PRDM15: variants seen among roughly 807,000 people sequenced by gnomAD.
The protein encoded by PRDM15 is PR/SET domain 15, also known as PR domain zinc finger protein 15.
PRDM15 carries 64 observed loss-of-function variants against 128.6 expected under a neutral mutation model. That is an observed-to-expected ratio of 0.50 (90% CI 0.41 to 0.61). The LOEUF is 0.61. Among genes scored for constraint, PRDM15 ranks in the 20% least tolerant of loss-of-function variants. The pLI, the probability that PRDM15 is intolerant of heterozygous loss-of-function variation, is 0.00. For missense variants in PRDM15, 1,242 were observed against 1,569.1 expected, an observed-to-expected ratio of 0.79 and a Z score of 3.52; for synonymous variants, 615 against 621.8, an observed-to-expected ratio of 0.99 and a Z score of 0.16.
At position 41,867,286 on chromosome 21, in the gene PRDM15, A is replaced by G. The variant is rs763427496; in HGVS notation, c.-9-6914T>C. ...AGGAGTTAAGATGCAACTCCTTTCTACTCTAGCCCTGACCTCCTCCGTTCG... is the reference window on the plus strand; with the variant it reads ...AGGAGTTAAGATGCAACTCCTTTCTGCTCTAGCCCTGACCTCCTCCGTTCG... On this transcript the variant is annotated intron_variant, in intron 1 of 23. Transcript: ENST00000398548. The G allele has an allele frequency of 3.7e-6, 6 of 1,605,926 alleles. No homozygotes were observed. In the East Asian group the frequency reaches 1.3e-4, roughly 36 times the overall value.
chr21:41,868,691 TTTC>T (rs1215411770), intron 1 of PRDM15, among the ~76,000 whole-genome samples: 16 of 98,390 alleles, frequency 1.6e-4, no homozygotes, highest in South Asian at 3.4e-4. Context: ...CCTTTTTCTT[TTTC>T]TTTTTTTTTT....
At position 41,854,279 on chromosome 21, in the gene PRDM15, A is replaced by G. The variant is rs992261752; in HGVS notation, c.538+287T>C. 3.3e-5 allele frequency among the ~76,000 whole-genome samples: 5 copies of G among 152,202 alleles called. No homozygotes were observed. The highest frequency in any genetic ancestry group is 7.2e-5 in the African/African-American group (3 of 41,452). Reference sequence around the variant, plus strand: ...CGAGAGTGCGCTCTACCATGCACTCATGACAATGCCATCGCCCCAGGACAC... The same window carrying G: ...CGAGAGTGCGCTCTACCATGCACTCGTGACAATGCCATCGCCCCAGGACAC... On this transcript the variant is annotated intron_variant, in intron 5 of 23. Transcript: ENST00000398548. The surrounding 1 kb of genome is among the most constrained non-coding windows in gnomAD (Gnocchi z 4.6).
chr21:41,857,440 A>G, intron 3 of PRDM15, 111 bp from the exon 4 acceptor site: 3 of 1,156,558 alleles, frequency 2.6e-6, no homozygotes, highest in Non-Finnish European at 3.7e-6. Context: ...CTTCGGAAAT[A>G]AAATTCTCCA....
intron 1 of PRDM15, among the ~76,000 whole-genome samples, chr21:41,866,317 G>T (rs2064006324): frequency 6.6e-6 from 1 of 152,236 alleles, no homozygotes; most frequent in Non-Finnish European, 1.5e-5. Context: ...CATATAAAAA[G>T]GGATTTTAAA....
intron 5 of PRDM15, among the ~76,000 whole-genome samples, chr21:41,850,979 G>C (rs950570476): frequency 3.3e-5 from 5 of 152,158 alleles, no homozygotes; most frequent in Admixed American, 3.3e-4. Flanking sequence ...ACGCTCACCA[G>C]GAAAGACTCG....
At chr21:41,835,985 C>A in intron 10 of PRDM15, 128 bp downstream of exon 10, 1 of 417,452 alleles carries the variant, frequency 2.4e-6, no homozygotes, top group South Asian at 2.0e-5. Context: ...TCTCCTCCCT[C>A]CCCCACAGCC....
chr21:41,823,041 A>AG (rs1294641542), intron 14 of PRDM15, among the ~76,000 whole-genome samples: 1 of 152,052 alleles, frequency 6.6e-6, no homozygotes, highest in Admixed American at 6.6e-5. Flanking sequence ...AAAAAAAAAA[A>AG]AAAAAAAGAA....
At chr21:41,819,471 CG>C in intron 18 of PRDM15, 110 bp downstream of exon 18, 2 of 694,350 alleles carry the variant, frequency 2.9e-6, no homozygotes, top group Non-Finnish European at 4.3e-6. Context: ...CCCCCGCCCC[CG>C]CCACACCCAC....
Position 41,821,891 on chromosome 21 carries a change from A to C in PRDM15, c.1896+12T>G, listed in dbSNP as rs779868453. ...CAGACCACCCAGGCACCGCGGGGCA[A>C]ACCCGCCATACCTGGCACCGCTTGC... On this transcript the variant is annotated intron_variant, in intron 15 of 23. Transcript: ENST00000398548. The surrounding 1 kb of genome is among the most constrained non-coding windows in gnomAD (Gnocchi z 5.4). 1.4e-4 allele frequency: 221 copies of C among 1,613,414 alleles called. No homozygotes were observed. The highest frequency in any genetic ancestry group is 1.8e-4 in the Non-Finnish European group (215 of 1,179,996).
Position 41,801,625 on chromosome 21 carries a change from G to C in PRDM15, c.3041C>G (p.Thr1014Ser), listed in dbSNP as rs1289263911. Residue 1014 changes from threonine to serine, a missense_variant, in exon 24 of 24, where the codon ACT becomes AGT. Coordinates refer to ENST00000398548, the MANE Select transcript of PRDM15 (RefSeq NM_001040424.3). ...CACCGGCTGGAGATTGGTAAACTGAGTCGCGGCCGCAGTGGTGATGGGGGT... is the reference window on the plus strand; with the variant it reads ...CACCGGCTGGAGATTGGTAAACTGACTCGCGGCCGCAGTGGTGATGGGGGT... Reference protein sequence around the residue: ...TVTPITTAAATQFTNLQPVAV... With the variant: ...TVTPITTAAASQFTNLQPVAV... 6.2e-7 allele frequency: 1 copy of C among 1,614,046 alleles called. No individual in the cohort carries two copies. The highest frequency in any genetic ancestry group is 1.3e-5 in the African/African-American group (1 of 74,894).
At position 41,823,590 on chromosome 21, in the gene PRDM15, AG is replaced by A; in HGVS notation, c.1630-142del. The stretch of plus-strand genomic sequence containing the variant: ...CCAGGCCTTGCATCTCCAGTTCCTC[AG>A]TGTGTGAGAGACACAAATAATCACT... On this transcript the variant is annotated intron_variant, in intron 13 of 23. Transcript: ENST00000398548. The A allele has an allele frequency of 7.4e-6, 6 of 806,700 alleles. No individual in the cohort carries two copies. In the South Asian group the frequency reaches 1.1e-4, roughly 15 times the overall value. 50.0% of individuals were successfully genotyped at this position (806,700 alleles called of 1,614,324 possible). A position where few individuals can be genotyped will look rare whatever the true frequency, so the allele number is the denominator to read the frequency against.
chr21:41,835,968 C>T (rs1331876294), intron 10 of PRDM15, 145 bp downstream of exon 10: 2 of 320,602 alleles, frequency 6.2e-6, no homozygotes, highest in Non-Finnish European at 1.2e-5. Context: ...CCACAGCCCC[C>T]GCCCACTCTC....
intron 1 of PRDM15, among the ~76,000 whole-genome samples, chr21:41,865,932 AT>A (rs1304777363): frequency 2.0e-5 from 3 of 152,004 alleles, no homozygotes; most frequent in African/African-American, 7.3e-5. Flanking sequence ...TTTTGTAGAG[AT>A]TTGGTCTCAC....
chr21:41,841,209 G>A (rs1469882570), intron 6 of PRDM15, among the ~76,000 whole-genome samples: 4 of 152,204 alleles, frequency 2.6e-5, no homozygotes, highest in Non-Finnish European at 4.4e-5. Context: ...AGACATAAAT[G>A]ATGACTCTGT....
In PRDM15 at chr21:41,874,525, A is replaced by ATATTTTTTTTTT; in HGVS notation, c.-10+4744_-10+4745insAAAAAAAAAATA. On this transcript the variant is annotated intron_variant, in intron 1 of 23. Transcript: ENST00000398548. ...TGCATATATATATATATATATATATATTTTTTTTTTTTTTTGAAACTTACA... is the reference window on the plus strand; with the variant it reads ...TGCATATATATATATATATATATATATATTTTTTTTTTTTTTTTTTTTTTTTTGAAACTTACA... Among the ~76,000 whole-genome samples the ATATTTTTTTTTT allele has an allele frequency of 1.3e-3, 128 of 95,792 alleles. 2 individuals carry two copies. Among genetic ancestry groups the ATATTTTTTTTTT allele is most frequent in the African/African-American group, 2.6e-3 (63 of 24,104 alleles). 62.8% of individuals were successfully genotyped at this position (95,792 alleles called of 152,430 possible).
At chr21:41,851,127 G>C (rs2063415825) in intron 5 of PRDM15, among the ~76,000 whole-genome samples, 1 of 151,884 alleles carries the variant, frequency 6.6e-6, no homozygotes, top group Non-Finnish European at 1.5e-5. Context: ...GTACAACAAT[G>C]CACAAAAGGC....
At chr21:41,820,465 CA>C (rs2062216180) in intron 16 of PRDM15, among the ~76,000 whole-genome samples, 1 of 152,188 alleles carries the variant, frequency 6.6e-6, no homozygotes, top group South Asian at 2.1e-4. Context: ...CCAATCTGAC[CA>C]GTGTCCTTAT....
Position 41,829,674 on chromosome 21 carries a change from C to G in PRDM15, c.1367-1341G>C, listed in dbSNP as rs1031507127. 1.3e-3 allele frequency among the ~76,000 whole-genome samples: 204 copies of G among 151,334 alleles called. 7 individuals carry two copies. The South Asian group carries it at 0.04, about 30-fold the overall frequency. ...ACATTCAACACATACCACACATACA[C>G]CCCAAATATACACACACCACANAAA... On this transcript the variant is annotated intron_variant, in intron 11 of 23. Transcript: ENST00000398548.
At position 41,826,019 on chromosome 21, in the gene PRDM15, C is replaced by T. The variant is rs201889868; in HGVS notation, c.1570G>A (p.Gly524Ser). 72 of 1,614,040 alleles carry T rather than the reference C, an allele frequency of 4.5e-5. No individual in the cohort carries two copies. Among genetic ancestry groups the T allele is most frequent in the Admixed American group, 3.2e-4 (19 of 60,012 alleles). ...TTGTAACGGACCAGGTTCTCCCCAC[C>T]GGCCTCCAGGTCCTCTCGCTTCACT... ...RRVKREDLEA[G>S]GENLVRYKKE... The change falls in exon 13 of 24, where the codon GGT becomes AGT. Residue 524 changes from glycine to serine, a missense_variant. Physicochemically the swap from Gly to Ser is moderately conservative, Grantham distance 56 (BLOSUM62 0). Transcript: ENST00000398548.
Sources: allele counts gnomAD v4.1 joint callset (sites outside exome capture counted in the v4.1 genomes callset), GRCh38; gene constraint gnomAD v4.1.1; non-coding constraint Gnocchi (gnomAD v3.1); transcripts MANE v1.5; gene names NCBI Gene and HGNC (gene_info 2026-07-23, HGNC 2026-07-21).